Variants in KLRD1 observed in about 807,000 individuals in gnomAD.
The protein encoded by KLRD1 is natural killer cells antigen CD94.
A neutral mutation model predicts 22.6 loss-of-function variants in KLRD1; 21 were observed. That is an observed-to-expected ratio of 0.93 (90% CI 0.66 to 1.34). The LOEUF (loss-of-function observed/expected upper bound fraction) is 1.34. Ranked by LOEUF, KLRD1 falls within the 40% of genes most tolerant of loss-of-function variation. The probability of loss-of-function intolerance (pLI) is 0.00; values close to 1 mark genes in which losing one functional copy is unlikely to be tolerated. For synonymous variants in KLRD1, 59 were observed against 71.1 expected (o/e 0.83, Z 0.85); for missense variants, 183 against 208.6 (o/e 0.88, Z 0.76).
At chr12:10,295,159 A>AT (rs1369219548) in intron 1 of KLRD1, among the ~76,000 whole-genome samples, 1 of 151,992 alleles carries the variant, frequency 6.6e-6, no homozygotes. Flanking sequence ...AATATGTTGA[A>AT]TTTTTTCTGT....
chr12:10,254,484 A>ACTGGGAG (rs1428561621), intron 1 of KLRD1, among the ~76,000 whole-genome samples: 2 of 151,662 alleles, frequency 1.3e-5, no homozygotes, highest in African/African-American at 4.8e-5. Flanking sequence ...CAATGTACAG[A>ACTGGGAG]CTGGGAGAAA....
At chr12:10,294,543 C>T (rs1949804824) in intron 1 of KLRD1, among the ~76,000 whole-genome samples, 2 of 25,070 alleles carry the variant, frequency 8.0e-5, no homozygotes, top group South Asian at 3.2e-3. Context: ...GGACTACAGG[C>T]CCATGCCACC....
At chr12:10,295,179 T>C (rs1328356662) in intron 1 of KLRD1, among the ~76,000 whole-genome samples, 1 of 152,246 alleles carries the variant, frequency 6.6e-6, no homozygotes, top group African/African-American at 2.4e-5. Flanking sequence ...TCCTTTTAGA[T>C]TCTGATGTGA....
intron 1 of KLRD1, among the ~76,000 whole-genome samples, chr12:10,287,377 T>C (rs953757041): frequency 2.6e-5 from 4 of 152,172 alleles, no homozygotes; most frequent in Non-Finnish European, 5.9e-5. Flanking sequence ...ACTCCGAATT[T>C]TTTTTTATTT....
chr12:10,253,096 A>C (rs1949360275), intron 1 of KLRD1, among the ~76,000 whole-genome samples: 2 of 152,080 alleles, frequency 1.3e-5, no homozygotes, highest in Non-Finnish European at 2.9e-5. Context: ...TGTACATGTA[A>C]GTAGATTTTC....
At chr12:10,303,308 T>A (rs1949882850), upstream of KLRD1, among the ~76,000 whole-genome samples, 1 of 152,180 alleles carries the variant, frequency 6.6e-6, no homozygotes, top group Non-Finnish European at 1.5e-5. Flanking sequence ...CACAAAAATA[T>A]GAAACTCATT....
intron 1 of KLRD1, among the ~76,000 whole-genome samples, chr12:10,273,403 T>C (rs1030581986): frequency 1.3e-5 from 2 of 152,246 alleles, no homozygotes; most frequent in East Asian, 1.9e-4. Context: ...TTTTGGTCAT[T>C]AACTTGTTAA....
At chr12:10,260,957 C>CA (rs1415851262) in intron 1 of KLRD1, among the ~76,000 whole-genome samples, 1 of 35,932 alleles carries the variant, frequency 2.8e-5, no homozygotes, top group African/African-American at 4.7e-5. Flanking sequence ...ACAACAACAA[C>CA]AAAAAACCAA....
At chr12:10,281,010 T>C (rs558668627) in intron 1 of KLRD1, among the ~76,000 whole-genome samples, 32 of 152,248 alleles carry the variant, frequency 2.1e-4, no homozygotes, top group Non-Finnish European at 3.7e-4. Context: ...GTCATAATCA[T>C]TGGAAGCTGT....
At chr12:10,299,990 T>C (rs1949853861), upstream of KLRD1, among the ~76,000 whole-genome samples, 1 of 152,236 alleles carries the variant, frequency 6.6e-6, no homozygotes, top group Non-Finnish European at 1.5e-5. Flanking sequence ...GACTTCAGTC[T>C]CCATTTCTAA....
At chr12:10,271,021 T>C (rs1592044844) in intron 1 of KLRD1, among the ~76,000 whole-genome samples, 1 of 151,960 alleles carries the variant, frequency 6.6e-6, no homozygotes, top group South Asian at 2.1e-4. Context: ...TGACCTCAGG[T>C]GATCCGCCTG....
rs980297939 is a variant in KLRD1 at position 10,316,437 on chromosome 12, C to G, written c.*1644C>G. ...TTTTTTCTGAGACACGGTTTCATTC[C>G]CATTGCCCAGGCTGTAGTGCAATGA... On this transcript the variant is annotated 3_prime_UTR_variant, in exon 6 of 6. Transcript: ENST00000336164. The G allele has an allele frequency of 6.6e-6, 1 of 151,870 alleles. No individual in the cohort carries two copies. Among genetic ancestry groups the G allele is most frequent in the Non-Finnish European group, 1.5e-5 (1 of 67,998 alleles). 9.4% of individuals were successfully genotyped at this position (151,870 alleles called of 1,614,324 possible).
chr12:10,306,264 A>ATG (rs201769542), upstream of KLRD1, among the ~76,000 whole-genome samples: 726 of 149,494 alleles, frequency 4.9e-3, 2 homozygotes, highest in East Asian at 0.014. Flanking sequence ...GTGTGTGTGT[A>ATG]TGTGTGTGTG....
chr12:10,290,699 A>G (rs886224083), intron 1 of KLRD1, among the ~76,000 whole-genome samples: 2 of 152,240 alleles, frequency 1.3e-5, no homozygotes, highest in Non-Finnish European at 2.9e-5. Flanking sequence ...GAAAAGTTTC[A>G]GTATTTATCT....
intron 1 of KLRD1, among the ~76,000 whole-genome samples, chr12:10,296,180 C>T (rs1949819435): frequency 6.6e-6 from 1 of 152,154 alleles, no homozygotes; most frequent in African/African-American, 2.4e-5. Flanking sequence ...GTTTTATCCA[C>T]AGTGTCCATG....
chr12:10,283,759 G>A (rs1378089595), intron 1 of KLRD1, among the ~76,000 whole-genome samples: 1 of 152,008 alleles, frequency 6.6e-6, no homozygotes, highest in Non-Finnish European at 1.5e-5. Flanking sequence ...CAAGAAACAA[G>A]CAGAACAGGG....
intron 1 of KLRD1, among the ~76,000 whole-genome samples, chr12:10,278,715 A>G (rs974697136): frequency 2.6e-5 from 4 of 152,218 alleles, no homozygotes; most frequent in Non-Finnish European, 5.9e-5. Context: ...ACTGCCACTT[A>G]AGTAAAGTTA....
At chr12:10,269,153 C>CT (rs199585565) in intron 1 of KLRD1, among the ~76,000 whole-genome samples, 2,311 of 150,594 alleles carry the variant, frequency 0.015, 49 homozygotes, top group African/African-American at 0.054. Context: ...TCTTTCTTTC[C>CT]TTTTTTTTTG....
intron 1 of KLRD1, among the ~76,000 whole-genome samples, chr12:10,280,463 C>A (rs1170344753): frequency 3.9e-5 from 6 of 152,012 alleles, no homozygotes; most frequent in Non-Finnish European, 7.4e-5. Flanking sequence ...TTATTAATTG[C>A]AAATAGATTT....
Sources: gnomAD v4.1 joint callset for allele counts (sites outside exome capture counted in the v4.1 genomes callset) on GRCh38, gnomAD v4.1.1 for gene constraint, MANE v1.5 for transcripts, NCBI Gene and HGNC (gene_info 2026-07-23, HGNC 2026-07-21) for gene names.